The following POLR3G variants were observed in gnomAD, a reference collection of about 807,000 sequenced individuals.
POLR3G encodes RNA polymerase III subunit G, also known as DNA-directed RNA polymerase III subunit RPC7.
A neutral mutation model predicts 30.1 loss-of-function variants in POLR3G; 28 were observed. The observed-to-expected ratio is 0.93, with a 90% CI of 0.69 to 1.27. POLR3G has a LOEUF of 1.27. Among genes scored for constraint, POLR3G ranks in the 50% most tolerant of loss-of-function variants. POLR3G has a pLI of 0.00. For missense variants in POLR3G, 254 were observed against 264.6 expected (o/e 0.96, Z 0.28); for synonymous variants, 79 against 82.5 (o/e 0.96, Z 0.23).
At chr5:90,507,606 A>G (rs1561259488) in intron 7 of POLR3G, among the ~76,000 whole-genome samples, 2 of 152,018 alleles carry the variant, frequency 1.3e-5, no homozygotes. Flanking sequence ...CCATTGATCT[A>G]TTTTGAACCA....
At chr5:90,497,234 G>A (rs1037029881) in intron 4 of POLR3G, among the ~76,000 whole-genome samples, 6 of 151,352 alleles carry the variant, frequency 4.0e-5, no homozygotes, top group African/African-American at 1.5e-4. Flanking sequence ...CATGTTTTGG[G>A]ATTATGGTAA....
chr5:90,474,166 C>T (rs79788050), upstream of POLR3G: 1 of 1,601,668 alleles, frequency 6.2e-7, no homozygotes. Flanking sequence ...GTATCGATCA[C>T]CACGTCCTGC....
Position 90,483,401 on chromosome 5 carries a change from A to T in POLR3G, c.-43-2124A>T, listed in dbSNP as rs142164216. On this transcript the variant is annotated intron_variant, in intron 1 of 7. Coordinates refer to ENST00000651687, the MANE Select transcript of POLR3G (RefSeq NM_006467.3). ...AATCAAATGCCGTGCATTCTACTTG[A>T]GTAATTCACAGAAAACAGGAAACGA... 3.6e-4 allele frequency among the ~76,000 whole-genome samples: 55 copies of T among 152,322 alleles called. No homozygotes were observed. The East Asian group carries it at 0.01, about 29-fold the overall frequency.
At chr5:90,506,471 A>G in intron 6 of POLR3G, 57 bp from the exon 7 acceptor site, 2 of 1,565,420 alleles carry the variant, frequency 1.3e-6, no homozygotes, top group Non-Finnish European at 1.7e-6. Context: ...AAGGCTAAGC[A>G]GGGAAGTCAG....
intron 1 of POLR3G, among the ~76,000 whole-genome samples, chr5:90,481,877 G>A (rs1164089736): frequency 6.6e-6 from 1 of 152,164 alleles, no homozygotes; most frequent in Non-Finnish European, 1.5e-5. Flanking sequence ...TTAACTCTGA[G>A]AGAGGATACA....
Sources: allele counts gnomAD v4.1 joint callset (sites outside exome capture counted in the v4.1 genomes callset), GRCh38; gene constraint gnomAD v4.1.1; transcripts MANE v1.5; gene names NCBI Gene and HGNC (gene_info 2026-07-23, HGNC 2026-07-21).